MAN2A1: variants seen among roughly 807,000 people sequenced by gnomAD.
MAN2A1 encodes the protein mannosidase alpha class 2A member 1.
A neutral mutation model predicts 142.6 loss-of-function variants in MAN2A1; 76 were observed. That is an observed-to-expected ratio of 0.53 (90% CI 0.44 to 0.65). The LOEUF (loss-of-function observed/expected upper bound fraction) is 0.65, where lower values mean the gene tolerates loss of function less well. Ranked by LOEUF, MAN2A1 falls within the 30% of genes least tolerant of loss-of-function variation. The pLI is 0.00. For synonymous variants in MAN2A1, 559 were observed against 473.2 expected (o/e 1.18, Z -2.35); for missense variants, 1,311 against 1,365.1 (o/e 0.96, Z 0.62).
chr5:109,714,776 C>G (rs969383118), intron 2 of MAN2A1, among the ~76,000 whole-genome samples: 1 of 152,142 alleles, frequency 6.6e-6, no homozygotes, highest in African/African-American at 2.4e-5. Context: ...ATCTTGAGGT[C>G]GTGGCTCACA....
At chr5:109,863,806 A>C (rs1465458052) in intron 20 of MAN2A1, 1 of 152,174 alleles carries the variant, frequency 6.6e-6, no homozygotes, top group African/African-American at 2.4e-5. Flanking sequence ...TGAATTAGAA[A>C]TTTTTATCAT....
At chr5:109,866,122 C>T (rs3797672) in intron 21 of MAN2A1, among the ~76,000 whole-genome samples, 42,463 of 151,984 alleles carry the variant, frequency 0.28, 6,385 homozygotes, top group East Asian at 0.63. Flanking sequence ...CTGCTTGGAG[C>T]TGGTGCCAAG....
At chr5:109,797,770 A>G (rs567746785) in intron 12 of MAN2A1, among the ~76,000 whole-genome samples, 1 of 152,320 alleles carries the variant, frequency 6.6e-6, no homozygotes, top group African/African-American at 2.4e-5. Flanking sequence ...TTCAACTAAA[A>G]GGAAAAAGGA....
chr5:109,713,304 C>G (rs923703018), intron 1 of MAN2A1, among the ~76,000 whole-genome samples: 2 of 152,066 alleles, frequency 1.3e-5, no homozygotes, highest in African/African-American at 4.8e-5. Flanking sequence ...TATGATTAAG[C>G]AAAGATTGCA....
intron 4 of MAN2A1, among the ~76,000 whole-genome samples, chr5:109,732,340 T>C (rs1326243185): frequency 6.6e-6 from 1 of 152,118 alleles, no homozygotes; most frequent in African/African-American, 2.4e-5. Context: ...GTAGTTTCTT[T>C]TGCTGTGCAG....
chr5:109,751,158 C>T (rs1265786220), intron 4 of MAN2A1, among the ~76,000 whole-genome samples: 1 of 152,046 alleles, frequency 6.6e-6, no homozygotes, highest in Non-Finnish European at 1.5e-5. Context: ...AAATACTCTT[C>T]CCAGCCTCTG....
At chr5:109,718,093 T>C (rs995288837) in intron 3 of MAN2A1, among the ~76,000 whole-genome samples, 4 of 152,198 alleles carry the variant, frequency 2.6e-5, no homozygotes, top group Admixed American at 6.5e-5. Flanking sequence ...ACTTGTAATA[T>C]CTAAGTTGTT....
At chr5:109,712,395 C>T (rs1046098796) in intron 1 of MAN2A1, among the ~76,000 whole-genome samples, 2 of 152,150 alleles carry the variant, frequency 1.3e-5, no homozygotes, top group Non-Finnish European at 2.9e-5. Flanking sequence ...CCTTTCCTTA[C>T]ATTTCTATTT....
chr5:109,744,318 T>G (rs1752344318), intron 4 of MAN2A1, among the ~76,000 whole-genome samples: 2 of 152,104 alleles, frequency 1.3e-5, no homozygotes, highest in African/African-American at 4.8e-5. Context: ...GCAAATGATA[T>G]TCAAGCTTAA....
intron 1 of MAN2A1, among the ~76,000 whole-genome samples, chr5:109,706,425 T>C (rs1445249686): frequency 6.6e-6 from 1 of 152,236 alleles, no homozygotes; most frequent in Non-Finnish European, 1.5e-5. Flanking sequence ...GGTCCTGTGC[T>C]AAATTCTTTC....
intron 4 of MAN2A1, among the ~76,000 whole-genome samples, chr5:109,753,733 A>C (rs1561494320): frequency 6.6e-6 from 1 of 152,078 alleles, no homozygotes; most frequent in East Asian, 1.9e-4. Context: ...GGTCTGCTTC[A>C]ACTAAATTTG....
chr5:109,729,193 G>A (rs996248090), intron 3 of MAN2A1, 149 bp from the exon 4 acceptor site: 6 of 468,352 alleles, frequency 1.3e-5, no homozygotes, highest in Non-Finnish European at 2.2e-5. Flanking sequence ...CTAAAATGGA[G>A]TTTCATTAAT....
At position 109,690,333 on chromosome 5, in the gene MAN2A1, C is replaced by A; in HGVS notation, c.-85C>A. 6.9e-7 allele frequency: 1 copy of A among 1,454,604 alleles called. No homozygotes were observed. The highest frequency in any genetic ancestry group is 9.6e-7 in the Non-Finnish European group (1 of 1,039,382). 90.1% of individuals were successfully genotyped at this position (1,454,604 alleles called of 1,614,324 possible). A position where few individuals can be genotyped will look rare whatever the true frequency, so the allele number is the denominator to read the frequency against. ...GGTCGCGCAGCCCGGGAGAAGGGAG[C>A]CTCCGGCGGCTGCTTCCTAGAGTCC... On this transcript the variant is annotated 5_prime_UTR_variant, in exon 1 of 22. Transcript: ENST00000261483.
At chr5:109,767,402 G>A in intron 5 of MAN2A1, 133 bp from the exon 6 acceptor site, 1 of 632,920 alleles carries the variant, frequency 1.6e-6, no homozygotes, top group Non-Finnish European at 2.6e-6. Context: ...CTTGGCAGAG[G>A]ATAATGCTGG....
chr5:109,690,112 T>G lies in MAN2A1; in HGVS notation c.-306T>G, dbSNP rs568953226. The G allele has an allele frequency of 6.5e-6, 2 of 309,614 alleles. No individual in the cohort carries two copies. Among genetic ancestry groups the G allele is most frequent in the East Asian group, 1.5e-4 (2 of 13,656 alleles). The allele number at this position is 309,614 out of a possible 1,614,324, so 19.2% of individuals were successfully genotyped here. ...TCTCCTCCGCCTGCCCCGCGCGCCCTGCCGGAGGTCGGCGCTGAGCTTGCG... is the reference window on the plus strand; with the variant it reads ...TCTCCTCCGCCTGCCCCGCGCGCCCGGCCGGAGGTCGGCGCTGAGCTTGCG... On this transcript the variant is annotated 5_prime_UTR_variant, in exon 1 of 22. Transcript: ENST00000261483.
chr5:109,792,696 A>G (rs1402657073), intron 12 of MAN2A1, among the ~76,000 whole-genome samples: 1 of 152,006 alleles, frequency 6.6e-6, no homozygotes, highest in African/African-American at 2.4e-5. Flanking sequence ...ATTGCAGGCA[A>G]TTGGAGATTG....
rs199878420 is a variant in MAN2A1 at position 109,710,507 on chromosome 5, G to GT, written c.136-3012dup. ...TATTGTAAGTATAAGATAAAATGTG[G>GT]TATTTTTTTTTTTTTGAGACGGAGT... On this transcript the variant is annotated intron_variant, in intron 1 of 21. Coordinates refer to ENST00000261483, the MANE Select transcript of MAN2A1 (RefSeq NM_002372.4). Among the ~76,000 whole-genome samples the GT allele has an allele frequency of 9.0e-3, 1,350 of 150,224 alleles. 6 individuals carry two copies. The highest frequency in any genetic ancestry group is 0.014 in the Non-Finnish European group (977 of 67,458).
Position 109,867,103 on chromosome 5 carries a change from C to A in MAN2A1, c.*105C>A. 3 of 630,990 alleles carry A rather than the reference C, an allele frequency of 4.8e-6. No homozygotes were observed. Among genetic ancestry groups the A allele is most frequent in the East Asian group, 5.2e-5 (1 of 19,340 alleles). 39.1% of individuals were successfully genotyped at this position (630,990 alleles called of 1,614,324 possible). On this transcript the variant is annotated 3_prime_UTR_variant, in exon 22 of 22. Coordinates refer to ENST00000261483, the MANE Select transcript of MAN2A1 (RefSeq NM_002372.4). ...TTTTAGCTTCTGGCTACTGTGAGAA[C>A]ATGAATTCTGTGATTCTGTGGGTTT...
At chr5:109,699,540 C>T (rs910817476) in intron 1 of MAN2A1, 4 of 152,164 alleles carry the variant, frequency 2.6e-5, no homozygotes, top group Non-Finnish European at 4.4e-5. Flanking sequence ...TAGCATTCTA[C>T]AATGTATGCA....
Sources: gnomAD v4.1 joint callset for allele counts (sites outside exome capture counted in the v4.1 genomes callset) on GRCh38, gnomAD v4.1.1 for gene constraint, MANE v1.5 for transcripts, NCBI Gene and HGNC (gene_info 2026-07-23, HGNC 2026-07-21) for gene names.